The following LMF1 variants were observed in gnomAD, a reference collection of about 807,000 sequenced individuals.
LMF1 encodes lipase maturation factor 1.
Under a neutral mutation model 60.6 loss-of-function variants are expected in LMF1, and 68 were observed. That is an observed-to-expected ratio of 1.12 (90% CI 0.92 to 1.37). The LOEUF (loss-of-function observed/expected upper bound fraction) is 1.37. LMF1 is among the 40% of genes most tolerant of loss of function. The pLI is 0.00. For missense variants in LMF1, 948 were observed against 767.2 expected, an observed-to-expected ratio of 1.24 and a Z score of -2.78; for synonymous variants, 418 against 324.7, an observed-to-expected ratio of 1.29 and a Z score of -3.09.
intron 2 of LMF1, among the ~76,000 whole-genome samples, chr16:940,560 T>A (rs942632512): frequency 3.9e-5 from 6 of 152,164 alleles, no homozygotes; most frequent in Non-Finnish European, 7.3e-5. Context: ...ATCAGTGTCA[T>A]AAAAGATGGA....
chr16:869,433 C>A, intron 9 of LMF1: 2 of 553,484 alleles, frequency 3.6e-6, no homozygotes, highest in Non-Finnish European at 6.9e-6. Context: ...CTGGGGATTC[C>A]TTCTTTCCTG....
At chr16:937,717 G>T (rs1331793978) in intron 2 of LMF1, among the ~76,000 whole-genome samples, 1 of 152,218 alleles carries the variant, frequency 6.6e-6, no homozygotes, top group Non-Finnish European at 1.5e-5. Context: ...CTTATCATCT[G>T]TAAAAAGACT....
At chr16:887,170 G>C (rs912078689) in intron 5 of LMF1, 5 of 151,752 alleles carry the variant, frequency 3.3e-5, no homozygotes, top group African/African-American at 1.2e-4. Context: ...CCTGGTCGCA[G>C]TTAAAGGCAT....
At chr16:959,817 T>A (rs1269824311) in intron 1 of LMF1, among the ~76,000 whole-genome samples, 2 of 151,800 alleles carry the variant, frequency 1.3e-5, no homozygotes, top group African/African-American at 4.8e-5. Flanking sequence ...AGGATTCAGA[T>A]GGGCCAGCAG....
At chr16:917,619 G>A (rs1026008130) in intron 3 of LMF1, among the ~76,000 whole-genome samples, 2 of 152,158 alleles carry the variant, frequency 1.3e-5, no homozygotes, top group African/African-American at 2.4e-5. Context: ...TGACCCCTCC[G>A]GCTCACTGGA....
intron 4 of LMF1, among the ~76,000 whole-genome samples, chr16:904,380 G>GT (rs780280281): frequency 2.1e-3 from 152 of 70,772 alleles, no homozygotes; most frequent in African/African-American, 3.5e-3. Flanking sequence ...CTGCTGCGTG[G>GT]GGTGACCTCT....
chr16:918,267 C>T (rs963239336), intron 3 of LMF1, among the ~76,000 whole-genome samples: 8 of 152,182 alleles, frequency 5.3e-5, no homozygotes, highest in African/African-American at 1.4e-4. Context: ...CGCCCGGCCG[C>T]GCGGCTTGTT....
rs766303004 is a variant in LMF1 at position 853,959 on chromosome 16, CG to C, written c.*572del. The C allele has an allele frequency of 6.6e-6, 3 of 453,966 alleles. No homozygotes were observed. Among genetic ancestry groups the C allele is most frequent in the South Asian group, 4.7e-5 (3 of 64,478 alleles). The allele number at this position is 453,966 out of a possible 1,614,324, so 28.1% of individuals were successfully genotyped here. On this transcript the variant is annotated 3_prime_UTR_variant, in exon 11 of 11. Coordinates refer to ENST00000262301, the MANE Select transcript of LMF1 (RefSeq NM_022773.4). ...TGTGTGGGATGCGTGTAGGCTGTGGCGGGGGTGGAGATGAGGGATAGGACAG... is the reference window on the plus strand; with the variant it reads ...TGTGTGGGATGCGTGTAGGCTGTGGCGGGGTGGAGATGAGGGATAGGACAG...
At chr16:948,647 CAG>C (rs1173270464) in intron 2 of LMF1, among the ~76,000 whole-genome samples, 1 of 150,970 alleles carries the variant, frequency 6.6e-6, no homozygotes, top group Non-Finnish European at 1.5e-5. Context: ...GAGACAACGA[CAG>C]AGTCAGCCAA....
At chr16:889,062 C>T (rs1198828084) in intron 5 of LMF1, among the ~76,000 whole-genome samples, 2 of 152,180 alleles carry the variant, frequency 1.3e-5, no homozygotes, top group Non-Finnish European at 2.9e-5. Context: ...GGGCCCTTGG[C>T]CTGCGGGGTC....
intron 1 of LMF1, among the ~76,000 whole-genome samples, chr16:965,919 A>G (rs540548059): frequency 6.6e-6 from 1 of 150,492 alleles, no homozygotes; most frequent in East Asian, 2.0e-4. Flanking sequence ...ATAGAGGTAT[A>G]AAGAAAGTCC....
chr16:933,955 TTTCCC>T, intron 3 of LMF1: 1 of 1,416,486 alleles, frequency 7.1e-7, no homozygotes, highest in Non-Finnish European at 9.3e-7. Flanking sequence ...CTGTGGGTGC[TTTCCC>T]TCTGCCCCAG....
At chr16:928,709 T>C (rs444086) in intron 3 of LMF1, among the ~76,000 whole-genome samples, 98 of 100,310 alleles carry the variant, frequency 9.8e-4, no homozygotes, top group Admixed American at 3.0e-3. Context: ...CCTCCCCACA[T>C]CCCCACGGGC....
chr16:949,209 C>T (rs572047606), intron 2 of LMF1, among the ~76,000 whole-genome samples: 16 of 146,732 alleles, frequency 1.1e-4, no homozygotes, highest in African/African-American at 2.8e-4. Flanking sequence ...AGTCAGCCAA[C>T]GACAGAGTCA....
chr16:868,950 G>C lies in LMF1; in HGVS notation c.1523C>G (p.Pro508Arg), dbSNP rs372213215. The C allele has an allele frequency of 6.2e-7, 1 of 1,606,918 alleles. No individual in the cohort carries two copies. Among genetic ancestry groups the C allele is most frequent in the Non-Finnish European group, 8.5e-7 (1 of 1,175,752 alleles). ...LAHNPFAGRP[P>R]PRWVRGEHYR... ...GGCAGGGAGGGCATCCTACCTGGGC[G>C]GGGGCCTGCCCGCGAAGGGGTTGTG... The change falls in exon 10 of 11, where the codon CCG becomes CGG. Residue 508 changes from proline (P) to arginine (R), a missense_variant. Transcript: ENST00000262301.
chr16:876,170 C>T (rs546746182), intron 6 of LMF1, among the ~76,000 whole-genome samples: 7 of 152,360 alleles, frequency 4.6e-5, no homozygotes, highest in Admixed American at 1.3e-4. Context: ...GTGCGGACCA[C>T]GGGCGTCTCG....
rs910004689 is a variant in LMF1 at position 933,984 on chromosome 16, A to G, written c.514+260T>C. The stretch of plus-strand genomic sequence containing the variant: ...CCTCTGCCCCAGGGAAGCGGTGGTA[A>G]TCACACCTGTGAGATGCCGACAATC... On this transcript the variant is annotated intron_variant, in intron 3 of 10. Coordinates refer to ENST00000262301, the MANE Select transcript of LMF1 (RefSeq NM_022773.4). 8.2e-6 allele frequency: 12 copies of G among 1,459,408 alleles called. No individual in the cohort carries two copies. The African/African-American group carries it at 1.4e-4, about 17-fold the overall frequency. 90.4% of individuals were successfully genotyped at this position (1,459,408 alleles called of 1,614,324 possible).
At chr16:877,038 G>T (rs746446838) in intron 6 of LMF1, among the ~76,000 whole-genome samples, 1 of 152,150 alleles carries the variant, frequency 6.6e-6, no homozygotes, top group African/African-American at 2.4e-5. Context: ...GATGCGTGTC[G>T]GTGAGGACAC....
rs2070321968 is a variant in LMF1, at chr16:886,864, C to T, written c.729+6143G>A. ...TAGGCCCCCGGCGTTCCCCAGGCCC[C>T]TCCCACCCTAGGCCCCCGGCATTCC... is the stretch of plus-strand genomic sequence containing the variant. On this transcript the variant is annotated intron_variant, in intron 5 of 10. Coordinates refer to ENST00000262301, the MANE Select transcript of LMF1 (RefSeq NM_022773.4). The T allele has an allele frequency of 2.8e-5, 3 of 107,170 alleles. No homozygotes were observed. In the Admixed American group the frequency reaches 3.0e-4, roughly 11 times the overall value. The allele number at this position is 107,170 out of a possible 1,614,324, so 6.6% of individuals were successfully genotyped here.
Sources: allele counts gnomAD v4.1 joint callset (sites outside exome capture counted in the v4.1 genomes callset), GRCh38; gene constraint gnomAD v4.1.1; transcripts MANE v1.5; gene names NCBI Gene and HGNC (gene_info 2026-07-23, HGNC 2026-07-21).